Variants in STRN observed in about 807,000 individuals in gnomAD.
The protein encoded by STRN is striatin.
Under a neutral mutation model 96.3 loss-of-function variants are expected in STRN, and 53 were observed. The observed-to-expected ratio is 0.55, with a 90% CI of 0.44 to 0.69. The LOEUF (loss-of-function observed/expected upper bound fraction) is 0.69, where lower values mean the gene tolerates loss of function less well. STRN is among the 30% of genes least tolerant of loss of function. The pLI is 0.00. For synonymous variants in STRN, 428 were observed against 355.9 expected (o/e 1.20, Z -2.28); for missense variants, 987 against 963.9 (o/e 1.02, Z -0.32).
At chr2:36,897,441 A>G (rs1205508333) in intron 6 of STRN, among the ~76,000 whole-genome samples, 5 of 149,456 alleles carry the variant, frequency 3.3e-5, no homozygotes, top group Admixed American at 2.7e-4. Flanking sequence ...AAAAATATAT[A>G]TATATTTTTT....
chr2:36,872,243 T>C (rs981209436), intron 10 of STRN, among the ~76,000 whole-genome samples: 12 of 152,214 alleles, frequency 7.9e-5, no homozygotes, highest in African/African-American at 2.9e-4. Flanking sequence ...CTCTCTCTCT[T>C]TTCACATGCA....
At chr2:36,886,914 T>G in intron 7 of STRN, 88 bp from the exon 8 acceptor site, 1 of 1,003,048 alleles carries the variant, frequency 1.0e-6, no homozygotes, top group Non-Finnish European at 1.4e-6. Context: ...TAACAACCAC[T>G]TTCTTTATAG....
At chr2:36,945,340 T>G (rs1670952732) in intron 1 of STRN, among the ~76,000 whole-genome samples, 1 of 152,170 alleles carries the variant, frequency 6.6e-6, no homozygotes, top group Admixed American at 6.5e-5. Context: ...GAGTTCAAAA[T>G]AACATTATCA....
chr2:36,957,711 A>G (rs1572701537), intron 1 of STRN, among the ~76,000 whole-genome samples: 1 of 148,254 alleles, frequency 6.7e-6, no homozygotes, highest in East Asian at 2.0e-4. Context: ...TTTATTTGAG[A>G]GCTCAGATTA....
intron 16 of STRN, 36 bp downstream of exon 16, chr2:36,850,964 T>TC: frequency 6.6e-7 from 1 of 1,524,682 alleles, no homozygotes; most frequent in Non-Finnish European, 8.9e-7. Flanking sequence ...TTTTTTTTTT[T>TC]GCTTTAATAA....
chr2:36,891,115 T>G (rs1458783420), intron 7 of STRN, among the ~76,000 whole-genome samples: 1 of 152,234 alleles, frequency 6.6e-6, no homozygotes, highest in Non-Finnish European at 1.5e-5. Context: ...ATCATGGCAG[T>G]GCTCAAAAAG....
In STRN at chr2:36,841,768, G is replaced by T. The variant is rs1015734821; in HGVS notation, c.*7688C>A. 6.6e-6 allele frequency: 1 copy of T among 152,126 alleles called. No homozygotes were observed. The highest frequency in any genetic ancestry group is 1.5e-5 in the Non-Finnish European group (1 of 68,020). The allele number at this position is 152,126 out of a possible 1,614,324, so 9.4% of individuals were successfully genotyped here. A position where few individuals can be genotyped will look rare whatever the true frequency, so the allele number is the denominator to read the frequency against. ...CTATTTCCTCTGACACTTTGCCATG[G>T]GGCTCTAGGATACTTTTGATATATT... On this transcript the variant is annotated 3_prime_UTR_variant, in exon 18 of 18. Coordinates refer to ENST00000263918, the MANE Select transcript of STRN (RefSeq NM_003162.4).
intron 4 of STRN, among the ~76,000 whole-genome samples, chr2:36,903,700 A>G (rs1211245900): frequency 6.6e-6 from 1 of 152,240 alleles, no homozygotes; most frequent in Non-Finnish European, 1.5e-5. Context: ...TAGCTGAAAG[A>G]GTTATCTCAG....
intron 6 of STRN, among the ~76,000 whole-genome samples, chr2:36,895,656 A>C (rs1351838846): frequency 6.6e-6 from 1 of 151,882 alleles, no homozygotes; most frequent in Non-Finnish European, 1.5e-5. Flanking sequence ...TCATGCCTGT[A>C]ATCCCAGCAC....
At position 36,929,987 on chromosome 2, in the gene STRN, G is replaced by C. The variant is rs1670528903; in HGVS notation, c.235-4779C>G. The stretch of plus-strand genomic sequence containing the variant: ...CAATTATATGGTTACAGTGTACAAT[G>C]AAGTTTCAATAATCGCTTTATGTCT... On this transcript the variant is annotated intron_variant, in intron 1 of 17. Transcript: ENST00000263918. 1.3e-5 allele frequency among the ~76,000 whole-genome samples: 2 copies of C among 152,228 alleles called. 1 individual carries two copies. Among genetic ancestry groups the C allele is most frequent in the Admixed American group, 1.3e-4 (2 of 15,272 alleles).
intron 1 of STRN, among the ~76,000 whole-genome samples, chr2:36,963,940 G>T (rs1303210627): frequency 6.6e-6 from 1 of 151,676 alleles, no homozygotes; most frequent in African/African-American, 2.4e-5. Flanking sequence ...AGTGAGCTAA[G>T]ACTGCACCAC....
intron 10 of STRN, among the ~76,000 whole-genome samples, chr2:36,872,621 G>T (rs1011952758): frequency 2.6e-5 from 4 of 152,142 alleles, no homozygotes; most frequent in African/African-American, 9.7e-5. Context: ...AACTACTTTG[G>T]GAAACCGAGC....
intron 4 of STRN, among the ~76,000 whole-genome samples, chr2:36,904,814 T>G (rs1455517612): frequency 3.9e-5 from 6 of 151,964 alleles, no homozygotes; most frequent in Non-Finnish European, 7.4e-5. Context: ...AGCGACAGAG[T>G]GAGACTCCAT....
At chr2:36,853,519 TTGA>T (rs2148127491) in intron 15 of STRN, among the ~76,000 whole-genome samples, 1 of 152,318 alleles carries the variant, frequency 6.6e-6, no homozygotes, top group African/African-American at 2.4e-5. Context: ...GCTTCTCCAC[TTGA>T]TGATAAATCA....
At chr2:36,953,859 A>G (rs1664817818) in intron 1 of STRN, among the ~76,000 whole-genome samples, 1 of 152,144 alleles carries the variant, frequency 6.6e-6, no homozygotes, top group Non-Finnish European at 1.5e-5. Flanking sequence ...AATCAGATGT[A>G]GTGGGTCAAG....
At chr2:36,876,246 G>C (rs1410069919) in intron 10 of STRN, among the ~76,000 whole-genome samples, 1 of 149,770 alleles carries the variant, frequency 6.7e-6, no homozygotes. Flanking sequence ...ACTCCAGCCT[G>C]GGTGACCGAG....
At chr2:36,959,726 A>T (rs1170698190) in intron 1 of STRN, among the ~76,000 whole-genome samples, 1 of 152,262 alleles carries the variant, frequency 6.6e-6, no homozygotes, top group Non-Finnish European at 1.5e-5. Flanking sequence ...TATAGGGAAT[A>T]CTAATAAAAG....
intron 11 of STRN, among the ~76,000 whole-genome samples, chr2:36,868,470 C>A (rs1036174296): frequency 2.0e-5 from 3 of 152,172 alleles, no homozygotes; most frequent in Non-Finnish European, 4.4e-5. Flanking sequence ...ATTATAGGTA[C>A]ACTATACCCT....
In STRN at chr2:36,843,962, A is replaced by T. The variant is rs1668005350; in HGVS notation, c.*5494T>A. On this transcript the variant is annotated 3_prime_UTR_variant, in exon 18 of 18. Transcript: ENST00000263918. Reference sequence around the variant, plus strand: ...ACATTAATTGATGTAACTAAAATTTAAAATACCTGAAGATCAAACAATCTG... The same window carrying T: ...ACATTAATTGATGTAACTAAAATTTTAAATACCTGAAGATCAAACAATCTG... The T allele has an allele frequency of 6.6e-6, 1 of 152,194 alleles. No individual in the cohort carries two copies. The highest frequency in any genetic ancestry group is 2.4e-5 in the African/African-American group (1 of 41,454). 9.4% of individuals were successfully genotyped at this position (152,194 alleles called of 1,614,324 possible).
Sources: gnomAD v4.1 joint callset for allele counts (sites outside exome capture counted in the v4.1 genomes callset) on GRCh38, gnomAD v4.1.1 for gene constraint, MANE v1.5 for transcripts, NCBI Gene and HGNC (gene_info 2026-07-23, HGNC 2026-07-21) for gene names.